CNN3: variants seen among roughly 807,000 people sequenced by gnomAD.
The protein encoded by CNN3 is calponin 3.
CNN3 carries 11 observed loss-of-function variants against 39.0 expected under a neutral mutation model. The ratio of observed to expected loss-of-function variants is 0.28; its 90% CI spans 0.18 to 0.47. The LOEUF is 0.47. CNN3 is among the 20% of genes least tolerant of loss of function. The pLI, the probability that CNN3 is intolerant of heterozygous loss-of-function variation, is 0.99. For synonymous variants in CNN3, 101 were observed against 138.3 expected (o/e 0.73, Z 1.89); for missense variants, 266 against 403.4 (o/e 0.66, Z 2.92).
rs780644267 is a variant in CNN3 at position 94,914,783 on chromosome 1, A to AATCTT, written c.58-11264_58-11260dup. Among the ~76,000 whole-genome samples, 18 of 152,374 alleles carry AATCTT rather than the reference A, an allele frequency of 1.2e-4. 1 individual carries two copies. Among genetic ancestry groups the AATCTT allele is most frequent in the Admixed American group, 8.5e-4 (13 of 15,306 alleles). On this transcript the variant is annotated intron_variant, in intron 1 of 6. Coordinates refer to ENST00000370206, the MANE Select transcript of CNN3 (RefSeq NM_001839.5). ...TTAAACATGGGATAGATGCTGATGGAATCTTACAGATATGTTAACTGTGCA... is the reference window on the plus strand; with the variant it reads ...TTAAACATGGGATAGATGCTGATGGAATCTTATCTTACAGATATGTTAACTGTGCA...
At chr1:94,922,724 G>T (rs575606486) in intron 1 of CNN3, among the ~76,000 whole-genome samples, 2 of 152,284 alleles carry the variant, frequency 1.3e-5, no homozygotes, top group African/African-American at 4.8e-5. Flanking sequence ...GCAGCTGTGC[G>T]TCTAAAGCGC....
Position 94,918,519 on chromosome 1 carries a change from A to AAAC in CNN3, c.57+8318_57+8319insGTT, listed in dbSNP as rs1557915304. On this transcript the variant is annotated intron_variant, in intron 1 of 6. Coordinates refer to ENST00000370206, the MANE Select transcript of CNN3 (RefSeq NM_001839.5). ...AAAAAAAATAAAATAAAAAAAAAAA[A>AAAC]AGTCGGCAAGGGGTGGGAGGAATTG... 1.2e-4 allele frequency among the ~76,000 whole-genome samples: 17 copies of AAAC among 136,926 alleles called. 1 individual carries two copies. The highest frequency in any genetic ancestry group is 1.6e-4 in the African/African-American group (6 of 37,746). 89.8% of individuals were successfully genotyped at this position (136,926 alleles called of 152,430 possible).
chr1:94,903,035 C>CA, intron 3 of CNN3, 87 bp downstream of exon 3: 3 of 935,436 alleles, frequency 3.2e-6, no homozygotes, highest in Admixed American at 3.3e-5. Flanking sequence ...AAAAAAAACA[C>CA]AAAACCAAAA....
chr1:94,925,516 T>C (rs1222238500), intron 1 of CNN3: 1 of 778,926 alleles, frequency 1.3e-6, no homozygotes, highest in Non-Finnish European at 1.6e-6. Flanking sequence ...ATTTCAACTT[T>C]AGATACATAG....
At position 94,926,216 on chromosome 1, in the gene CNN3, C is replaced by T. The variant is rs1249871225; in HGVS notation, c.57+622G>A. 6.6e-6 allele frequency among the ~76,000 whole-genome samples: 1 copy of T among 152,240 alleles called. No homozygotes were observed. Among genetic ancestry groups the T allele is most frequent in the Non-Finnish European group, 1.5e-5 (1 of 68,042 alleles). On this transcript the variant is annotated intron_variant, in intron 1 of 6. Coordinates refer to ENST00000370206, the MANE Select transcript of CNN3 (RefSeq NM_001839.5). This position sits in a 1 kb window ranked among gnomAD's most constrained non-coding sequence, Gnocchi z 4.2. ...ACAGTGGCGCGCTCAGGCTTTGTCT[C>T]CATTTCCCGCAAAAGCAACAGCAGA...
At chr1:94,923,444 T>G (rs1220914034) in intron 1 of CNN3, among the ~76,000 whole-genome samples, 1 of 152,130 alleles carries the variant, frequency 6.6e-6, no homozygotes, top group East Asian at 1.9e-4. Flanking sequence ...GTCATTTTTT[T>G]CTTTGTTATT....
intron 6 of CNN3, among the ~76,000 whole-genome samples, chr1:94,899,150 A>G (rs1387138287): frequency 6.6e-6 from 1 of 152,168 alleles, no homozygotes; most frequent in African/African-American, 2.4e-5. Context: ...CTGGCTAGGT[A>G]GAAAGGCCAG....
chr1:94,924,908 G>A (rs983412365), intron 1 of CNN3, among the ~76,000 whole-genome samples: 27 of 152,112 alleles, frequency 1.8e-4, no homozygotes, highest in Non-Finnish European at 3.4e-4. Flanking sequence ...AAAATGAAAC[G>A]GGTTATTAAA....
intron 1 of CNN3, among the ~76,000 whole-genome samples, chr1:94,912,627 T>C (rs1288901988): frequency 6.6e-6 from 1 of 152,210 alleles, no homozygotes; most frequent in Non-Finnish European, 1.5e-5. Flanking sequence ...TTAGTAATCC[T>C]CATGCCCATG....
chr1:94,920,298 G>C lies in CNN3; in HGVS notation c.57+6540C>G, dbSNP rs139438193. On this transcript the variant is annotated intron_variant, in intron 1 of 6. Transcript: ENST00000370206. Reference sequence around the variant, plus strand: ...GGACTCTGGGGCAGATCACATTCCTGACACAGAAATGAAACACAGTAGTAC... The same window carrying C: ...GGACTCTGGGGCAGATCACATTCCTCACACAGAAATGAAACACAGTAGTAC... 2.5e-3 allele frequency among the ~76,000 whole-genome samples: 373 copies of C among 152,230 alleles called. 5 individuals are homozygous for C. Among genetic ancestry groups the C allele is most frequent in the Non-Finnish European group, 1.8e-3 (121 of 68,016 alleles).
intron 1 of CNN3, among the ~76,000 whole-genome samples, chr1:94,913,950 C>T (rs859046): frequency 0.29 from 43,828 of 151,930 alleles, 6,637 homozygotes; most frequent in Middle Eastern, 0.32. Context: ...GAAGGCCAGC[C>T]GGGTCTTGAA....
At chr1:94,906,769 G>A (rs1235760373) in intron 1 of CNN3, among the ~76,000 whole-genome samples, 1 of 152,224 alleles carries the variant, frequency 6.6e-6, no homozygotes, top group Non-Finnish European at 1.5e-5. Flanking sequence ...TTATGTTAGA[G>A]TAGTTTGGGA....
At chr1:94,902,031 C>G in intron 4 of CNN3, 90 bp downstream of exon 4, 1 of 1,161,370 alleles carries the variant, frequency 8.6e-7, no homozygotes, top group African/African-American at 1.5e-5. Flanking sequence ...CCCGCCCCAC[C>G]TGGTCTGAAC....
At chr1:94,911,708 G>A (rs1266824655) in intron 1 of CNN3, among the ~76,000 whole-genome samples, 1 of 152,112 alleles carries the variant, frequency 6.6e-6, no homozygotes, top group African/African-American at 2.4e-5. Context: ...GGTCAAGGCT[G>A]CAGTGAGCAG....
intron 1 of CNN3, among the ~76,000 whole-genome samples, chr1:94,912,126 A>T (rs1345904397): frequency 6.6e-6 from 1 of 152,216 alleles, no homozygotes; most frequent in Admixed American, 6.5e-5. Flanking sequence ...TAAAGCAAAG[A>T]GTATAACAAA....
chr1:94,898,214 G>A lies in CNN3; in HGVS notation c.649-131C>T, dbSNP rs531419011. ...AACTTTCATTTGGTTCAGGGGTAAA[G>A]CTAGCTTAACCAAAATATCCTGATA... On this transcript the variant is annotated intron_variant, in intron 6 of 6. Transcript: ENST00000370206. 13 of 942,362 alleles carry A rather than the reference G, an allele frequency of 1.4e-5. No individual in the cohort carries two copies. The African/African-American group carries it at 2.2e-4, about 16-fold the overall frequency. The allele number at this position is 942,362 out of a possible 1,614,324, so 58.4% of individuals were successfully genotyped here.
At chr1:94,908,558 TGAGAC>T (rs1671075470) in intron 1 of CNN3, among the ~76,000 whole-genome samples, 1 of 152,258 alleles carries the variant, frequency 6.6e-6, no homozygotes. Context: ...TTTGTTTTTT[TGAGAC>T]GGAGTCTCGC....
chr1:94,910,086 C>CA (rs1671119628), intron 1 of CNN3, among the ~76,000 whole-genome samples: 1 of 152,230 alleles, frequency 6.6e-6, no homozygotes, highest in African/African-American at 2.4e-5. Context: ...GTGATTACAA[C>CA]AGTCTCCCTA....
chr1:94,919,065 G>A (rs1307027365), intron 1 of CNN3, among the ~76,000 whole-genome samples: 1 of 152,112 alleles, frequency 6.6e-6, no homozygotes, highest in African/African-American at 2.4e-5. Context: ...AAAGAAGGGG[G>A]GGAAGCTCAG....
Sources: allele counts gnomAD v4.1 joint callset (sites outside exome capture counted in the v4.1 genomes callset), GRCh38; gene constraint gnomAD v4.1.1; non-coding constraint Gnocchi (gnomAD v3.1); transcripts MANE v1.5; gene names NCBI Gene and HGNC (gene_info 2026-07-23, HGNC 2026-07-21).